The following FCRL6 variants were observed in gnomAD, a reference collection of about 807,000 sequenced individuals.
FCRL6 encodes Fc receptor-like protein 6.
A neutral mutation model predicts 49.1 loss-of-function variants in FCRL6; 50 were observed. That is an observed-to-expected ratio of 1.02 (90% CI 0.81 to 1.29). The LOEUF is 1.29. Ranked by LOEUF, FCRL6 falls within the 50% of genes most tolerant of loss-of-function variation. The pLI is 0.00. For missense variants in FCRL6, 571 were observed against 518.5 expected, an observed-to-expected ratio of 1.10 and a Z score of -0.98; for synonymous variants, 213 against 199.6, an observed-to-expected ratio of 1.07 and a Z score of -0.57.
At chr1:159,808,832 AG>A (rs1442489311) in intron 3 of FCRL6, 128 bp from the exon 4 acceptor site, 1 of 893,178 alleles carries the variant, frequency 1.1e-6, no homozygotes, top group Non-Finnish European at 1.7e-6. Flanking sequence ...GACGGGTCCT[AG>A]GGATGAAACT....
intron 2 of FCRL6, 60 bp downstream of exon 2, chr1:159,806,676 A>C: frequency 6.4e-7 from 1 of 1,554,906 alleles, no homozygotes; most frequent in Non-Finnish European, 8.9e-7. Context: ...AACTTACTGG[A>C]TGGGAACAGG....
At chr1:159,808,801 G>A (rs950331047) in intron 3 of FCRL6, 160 bp from the exon 4 acceptor site, 5 of 716,184 alleles carry the variant, frequency 7.0e-6, no homozygotes, top group African/African-American at 5.4e-5. Context: ...TCATTTCAGA[G>A]TTTGTGGGTG....
intron 6 of FCRL6, among the ~76,000 whole-genome samples, chr1:159,812,214 G>T (rs867943557): frequency 6.6e-6 from 1 of 152,160 alleles, no homozygotes; most frequent in East Asian, 1.9e-4. Context: ...ATATTCTTTA[G>T]AATATTGCTC....
intron 6 of FCRL6, among the ~76,000 whole-genome samples, chr1:159,811,981 C>A (rs550192280): frequency 6.6e-6 from 1 of 152,140 alleles, no homozygotes; most frequent in African/African-American, 2.4e-5. Flanking sequence ...CAGCCCCAGA[C>A]GAGATGGTGA....
At chr1:159,809,726 G>T (rs755569217) in intron 5 of FCRL6, 43 bp downstream of exon 5, 2 of 1,572,568 alleles carry the variant, frequency 1.3e-6, no homozygotes, top group African/African-American at 2.7e-5. Flanking sequence ...CCAGCAAGCT[G>T]GCAGGGGTCA....
In FCRL6 at chr1:159,806,628, C is replaced by G; in HGVS notation, c.52+12C>G. 1 of 1,613,314 alleles carries G rather than the reference C, an allele frequency of 6.2e-7. No individual in the cohort carries two copies. Among genetic ancestry groups the G allele is most frequent in the Non-Finnish European group, 8.5e-7 (1 of 1,179,200 alleles). On this transcript the variant is annotated intron_variant, in intron 2 of 9. Coordinates refer to ENST00000368106, the MANE Select transcript of FCRL6 (RefSeq NM_001004310.3). Reference sequence around the variant, plus strand: ...TGTTGGGAAAACTGGTAAGTTGTGTCCATGTCTCTTCTAATTCAAAGTATG... The same window carrying G: ...TGTTGGGAAAACTGGTAAGTTGTGTGCATGTCTCTTCTAATTCAAAGTATG...
intron 1 of FCRL6, among the ~76,000 whole-genome samples, chr1:159,802,829 G>T (rs902470994): frequency 6.6e-6 from 1 of 152,202 alleles, no homozygotes; most frequent in Admixed American, 6.5e-5. Context: ...AGGGAAGGAG[G>T]CTGCTGGGGG....
chr1:159,802,510 C>A (rs908765750), intron 1 of FCRL6, 55 bp downstream of exon 1: 6 of 1,478,734 alleles, frequency 4.1e-6, no homozygotes, highest in Non-Finnish European at 5.7e-6. Context: ...CGTAAGTCAT[C>A]CCTGAGACAC....
Position 159,809,168 on chromosome 1 carries a change from G to A in FCRL6, c.527G>A (p.Gly176Glu), listed in dbSNP as rs769211688. 1.2e-6 allele frequency: 2 copies of A among 1,613,208 alleles called. No homozygotes were observed. The highest frequency in any genetic ancestry group is 3.3e-5 in the Admixed American group (2 of 59,956). Residue 176 changes from glycine (G) to glutamate (E), a missense_variant, in exon 4 of 10, where the codon GGG becomes GAG. Physicochemically the swap from Gly to Glu is moderately conservative, Grantham distance 98 (BLOSUM62 -2). Transcript: ENST00000368106. Reference sequence around the variant, plus strand: ...CCGGGAGCCAAGGAGGGAGACTCTGGGCTTTACTGGTGTGAGGTGGCCCCT... The same window carrying A: ...CCGGGAGCCAAGGAGGGAGACTCTGAGCTTTACTGGTGTGAGGTGGCCCCT... ...CIPGAKEGDSGLYWCEVAPEG... is the reference protein window; with the variant it reads ...CIPGAKEGDSELYWCEVAPEG...
intron 1 of FCRL6, among the ~76,000 whole-genome samples, chr1:159,804,999 A>G (rs1044066228): frequency 5.9e-5 from 9 of 152,224 alleles, no homozygotes; most frequent in African/African-American, 1.9e-4. Context: ...CTATTATGTG[A>G]TATGACAGAA....
In FCRL6 at chr1:159,809,229, G is replaced by T. The variant is rs1426147450; in HGVS notation, c.588G>T (p.Leu196=). Residue 196 remains leucine, a synonymous_variant, in exon 4 of 10, where the codon CTG becomes CTT. Transcript: ENST00000368106. The part of the protein sequence containing the change: ...GGQVQKQSPQ[L]EVRVQAPVSR... ...AGGTCCAGAAGCAGAGCCCCCAGCT[G>T]GAGGTCAGAGTGCAGGGTAAGTGCG... 3 of 1,571,132 alleles carry T rather than the reference G, an allele frequency of 1.9e-6. No homozygotes were observed. Among genetic ancestry groups the T allele is most frequent in the African/African-American group, 1.4e-5 (1 of 73,666 alleles).
At position 159,814,270 on chromosome 1, in the gene FCRL6, T is replaced by C. The variant is rs749807991; in HGVS notation, c.1125T>C (p.His375=). ...KDEGVVYSVV[H]RTSKRSEARS... is the part of the protein sequence containing the mutation. Reference sequence around the variant, plus strand: ...AAGGTGTTGTCTACTCTGTGGTGCATAGAACCTCAAAGAGGAGTGAAGGTG... The same window carrying C: ...AAGGTGTTGTCTACTCTGTGGTGCACAGAACCTCAAAGAGGAGTGAAGGTG... The change falls in exon 8 of 10, where the codon CAT becomes CAC. Residue 375 remains histidine (H), a synonymous_variant. Coordinates refer to ENST00000368106, the MANE Select transcript of FCRL6 (RefSeq NM_001004310.3). 7.4e-6 allele frequency: 12 copies of C among 1,614,040 alleles called. No homozygotes were observed. The highest frequency in any genetic ancestry group is 6.7e-5 in the East Asian group (3 of 44,892).
chr1:159,811,242 C>T (rs1282687812), intron 6 of FCRL6, among the ~76,000 whole-genome samples: 2 of 152,220 alleles, frequency 1.3e-5, no homozygotes, highest in Admixed American at 6.5e-5. Context: ...CCTCAGGCCA[C>T]ACACATATAA....
chr1:159,811,377 G>C (rs1027657403), intron 6 of FCRL6, among the ~76,000 whole-genome samples: 7 of 152,230 alleles, frequency 4.6e-5, no homozygotes, highest in African/African-American at 1.7e-4. Flanking sequence ...GGACAAAAGT[G>C]ATTGTTCTCA....
Position 159,813,555 on chromosome 1 carries a change from G to A in FCRL6, c.1075+1G>A, listed in dbSNP as rs769803455. 3 of 1,613,874 alleles carry A rather than the reference G, an allele frequency of 1.9e-6. No individual in the cohort carries two copies. The highest frequency in any genetic ancestry group is 1.1e-5 in the South Asian group (1 of 91,080). On this transcript the variant is annotated splice_donor_variant, in intron 7 of 9. Transcript: ENST00000368106. LOFTEE classifies it high-confidence loss of function. ...GAGCAGTGCCCACTATATGCCAACG[G>A]TAAGGACTTCCAGCAGGATGGTGGT...
At chr1:159,802,328 C>G (rs1662383311), upstream of FCRL6, 5 of 1,433,068 alleles carry the variant, frequency 3.5e-6, no homozygotes, top group South Asian at 1.2e-5. Context: ...CTCAGGCCAC[C>G]CACCCACCTT....
chr1:159,812,850 T>G (rs1252848777), intron 6 of FCRL6, among the ~76,000 whole-genome samples: 2 of 152,198 alleles, frequency 1.3e-5, no homozygotes, highest in East Asian at 3.8e-4. Context: ...GAGTTACCTT[T>G]AAAGTTCTGG....
rs961663335 is a variant in FCRL6 at position 159,808,270 on chromosome 1, C to T, written c.145C>T (p.Gln49Ter). The T allele has an allele frequency of 2.5e-6, 4 of 1,613,726 alleles. No homozygotes were observed. The African/African-American group carries it at 5.3e-5, about 22-fold the overall frequency. The change falls in exon 3 of 10, where the codon CAG (glutamine) becomes TAG (stop). Residue 49 changes from glutamine to a stop codon, truncating the protein, a stop_gained. Transcript: ENST00000368106. LOFTEE classifies it high-confidence loss of function. Reference protein sequence around the residue: ...CQGWKNTPLSQVKFYRDGKFL... With the variant: ...CQGWKNTPLS ...GGGATGGAAGAATACACCACTGTCT[C>T]AGGTGAAGTTCTACAGAGATGGAAA...
chr1:159,815,963 A>G lies in FCRL6; in HGVS notation c.*302A>G, dbSNP rs1229969577. On this transcript the variant is annotated 3_prime_UTR_variant, in exon 10 of 10. Coordinates refer to ENST00000368106, the MANE Select transcript of FCRL6 (RefSeq NM_001004310.3). ...CATACAAGCATGTTAGTTCGCCCCAATATACATATATATATGAAATAGTCA... is the reference window on the plus strand; with the variant it reads ...CATACAAGCATGTTAGTTCGCCCCAGTATACATATATATATGAAATAGTCA... The G allele has an allele frequency of 3.1e-6, 1 of 323,550 alleles. No individual in the cohort carries two copies. Among genetic ancestry groups the G allele is most frequent in the African/African-American group, 2.1e-5 (1 of 47,542 alleles). 20.0% of individuals were successfully genotyped at this position (323,550 alleles called of 1,614,324 possible).
Sources: allele counts gnomAD v4.1 joint callset (sites outside exome capture counted in the v4.1 genomes callset), GRCh38; gene constraint gnomAD v4.1.1; transcripts MANE v1.5; gene names NCBI Gene and HGNC (gene_info 2026-07-23, HGNC 2026-07-21).